The following CSMD3 variants were observed in gnomAD, a reference collection of about 807,000 sequenced individuals.
CSMD3 encodes CUB and sushi domain-containing protein 3.
In CSMD3, 177 loss-of-function variants were observed where a neutral mutation model predicts 435.2. That is an observed-to-expected ratio of 0.41 (90% CI 0.36 to 0.46). The LOEUF is 0.46. CSMD3 is among the 20% of genes least tolerant of loss of function. The probability of loss-of-function intolerance (pLI) is 0.34; values close to 1 mark genes in which losing one functional copy is unlikely to be tolerated. For synonymous variants in CSMD3, 1,656 were observed against 1,520.5 expected (o/e 1.09, Z -2.07); for missense variants, 4,265 against 4,504.6 (o/e 0.95, Z 1.52).
intron 32 of CSMD3, among the ~76,000 whole-genome samples, chr8:112,445,393 A>G (rs1168988956): frequency 6.6e-6 from 1 of 152,154 alleles, no homozygotes; most frequent in African/African-American, 2.4e-5. Flanking sequence ...GCTGTACAGG[A>G]TACATGGCGC....
At chr8:112,345,408 T>TA (rs550653541) in intron 41 of CSMD3, among the ~76,000 whole-genome samples, 43 of 151,628 alleles carry the variant, frequency 2.8e-4, no homozygotes, top group Non-Finnish European at 4.4e-4. Context: ...TATTCAGCCA[T>TA]AAAAAAAACA....
chr8:112,281,108 A>T, intron 59 of CSMD3, 66 bp downstream of exon 59: 3 of 1,223,648 alleles, frequency 2.5e-6, no homozygotes, highest in East Asian at 2.5e-5. Flanking sequence ...AACACACAAA[A>T]ATACTTATAT....
At chr8:113,051,872 G>C (rs2088108297) in intron 5 of CSMD3, among the ~76,000 whole-genome samples, 1 of 152,120 alleles carries the variant, frequency 6.6e-6, no homozygotes, top group Non-Finnish European at 1.5e-5. Flanking sequence ...GAGCAAATGT[G>C]ACAAGATGAT....
At chr8:113,393,751 A>G (rs1187466222) in intron 1 of CSMD3, among the ~76,000 whole-genome samples, 1 of 152,116 alleles carries the variant, frequency 6.6e-6, no homozygotes, top group African/African-American at 2.4e-5. Flanking sequence ...TCTTCTACAC[A>G]TGGACATTGG....
intron 38 of CSMD3, among the ~76,000 whole-genome samples, chr8:112,372,757 G>A (rs2131188733): frequency 6.6e-6 from 1 of 151,850 alleles, no homozygotes; most frequent in South Asian, 2.1e-4. Flanking sequence ...GCTGAGGCAG[G>A]AGAATTGCTT....
At chr8:113,169,114 T>A (rs986429507) in intron 4 of CSMD3, among the ~76,000 whole-genome samples, 1 of 152,126 alleles carries the variant, frequency 6.6e-6, no homozygotes, top group African/African-American at 2.4e-5. Flanking sequence ...ATCCAGAAAA[T>A]TGTTGATCAA....
rs1183535515 is a variant in CSMD3, at chr8:112,292,727, G to T, written c.8615-17C>A. On this transcript the variant is annotated splice_polypyrimidine_tract_variant and intron_variant, in intron 54 of 70. Transcript: ENST00000297405. ...AGCTAACAGCTAATAAGATGTGGCA[G>T]GAGGACAGGGAAGGAAACACAGAAA... 4.3e-6 allele frequency: 7 copies of T among 1,610,384 alleles called. No homozygotes were observed. The highest frequency in any genetic ancestry group is 1.6e-4 in the Middle Eastern group (1 of 6,072).
chr8:113,221,968 C>T (rs537300329), intron 3 of CSMD3, among the ~76,000 whole-genome samples: 34 of 151,182 alleles, frequency 2.2e-4, no homozygotes, highest in African/African-American at 8.2e-4. Flanking sequence ...TAAACAGTTC[C>T]CGGAACAACG....
At chr8:112,653,005 C>T (rs145351361) in intron 18 of CSMD3, among the ~76,000 whole-genome samples, 15 of 152,100 alleles carry the variant, frequency 9.9e-5, no homozygotes, top group Admixed American at 7.2e-4. Flanking sequence ...TTAGTAGAGA[C>T]GTGGTTTCAC....
At chr8:112,965,170 C>T (rs895592255) in intron 7 of CSMD3, among the ~76,000 whole-genome samples, 1 of 151,796 alleles carries the variant, frequency 6.6e-6, no homozygotes, top group African/African-American at 2.4e-5. Context: ...AAAGTCTAGC[C>T]CCATCAAAAT....
chr8:113,242,106 C>T lies in CSMD3; in HGVS notation c.514+36486G>A, dbSNP rs184335676. 5.5e-3 allele frequency among the ~76,000 whole-genome samples: 826 copies of T among 151,454 alleles called. 11 individuals carry two copies. Among genetic ancestry groups the T allele is most frequent in the African/African-American group, 0.019 (794 of 41,408 alleles). On this transcript the variant is annotated intron_variant, in intron 3 of 70. Coordinates refer to ENST00000297405, the MANE Select transcript of CSMD3 (RefSeq NM_198123.2). ...GTCTTATAAAATTAAAATGAAAATA[C>T]ATTATTAAAAAATTTAATAAGGAAC...
chr8:112,315,830 T>C (rs1241889017), intron 47 of CSMD3, among the ~76,000 whole-genome samples: 1 of 151,868 alleles, frequency 6.6e-6, no homozygotes, highest in Non-Finnish European at 1.5e-5. Context: ...TGGAGTTAAA[T>C]AGCATTGTTT....
intron 12 of CSMD3, among the ~76,000 whole-genome samples, chr8:112,803,246 C>G (rs1433104834): frequency 6.6e-6 from 1 of 152,162 alleles, no homozygotes; most frequent in African/African-American, 2.4e-5. Context: ...TCCCTTGTGT[C>G]TCTTTATCCT....
chr8:112,281,082 G>A (rs1563731823), intron 59 of CSMD3, 92 bp downstream of exon 59: 3 of 983,638 alleles, frequency 3.0e-6, no homozygotes, highest in Non-Finnish European at 1.6e-6. Context: ...ACCTTACATG[G>A]TTTTATTAAT....
At chr8:113,158,047 C>T (rs1310510004) in intron 4 of CSMD3, among the ~76,000 whole-genome samples, 1 of 151,938 alleles carries the variant, frequency 6.6e-6, no homozygotes, top group African/African-American at 2.4e-5. Flanking sequence ...GGTGGAACTT[C>T]ACACAGAAAG....
chr8:112,471,663 G>A (rs371278625), intron 32 of CSMD3, among the ~76,000 whole-genome samples: 36 of 152,234 alleles, frequency 2.4e-4, no homozygotes, highest in African/African-American at 8.4e-4. Context: ...TGGACTGGAA[G>A]CATCAGCTTA....
intron 35 of CSMD3, among the ~76,000 whole-genome samples, chr8:112,398,050 A>G (rs993273551): frequency 1.4e-4 from 21 of 152,202 alleles, no homozygotes; most frequent in Middle Eastern, 3.2e-3. Flanking sequence ...TTCAAAACAC[A>G]ATGATGAGAC....
At chr8:113,323,294 A>C (rs1324940244) in intron 1 of CSMD3, among the ~76,000 whole-genome samples, 1 of 152,212 alleles carries the variant, frequency 6.6e-6, no homozygotes, top group African/African-American at 2.4e-5. Flanking sequence ...AACACTCTTC[A>C]TTAAAAAGAA....
At chr8:112,460,454 A>G (rs1414681779) in intron 32 of CSMD3, among the ~76,000 whole-genome samples, 6 of 151,862 alleles carry the variant, frequency 4.0e-5, no homozygotes, top group Admixed American at 3.3e-4. Flanking sequence ...AGTCAAATTC[A>G]ATCTACAGCT....
Sources: gnomAD v4.1 joint callset for allele counts (sites outside exome capture counted in the v4.1 genomes callset) on GRCh38, gnomAD v4.1.1 for gene constraint, MANE v1.5 for transcripts, NCBI Gene and HGNC (gene_info 2026-07-23, HGNC 2026-07-21) for gene names.